The following NWD2 variants were observed in gnomAD, a reference collection of about 807,000 sequenced individuals.
The protein encoded by NWD2 is NACHT and WD repeat domain-containing protein 2.
NWD2 carries 37 observed loss-of-function variants against 132.7 expected under a neutral mutation model. The observed-to-expected ratio is 0.28, with a 90% confidence interval of 0.21 to 0.37. The LOEUF is 0.37. Among genes scored for constraint, NWD2 ranks in the 10% least tolerant of loss-of-function variants. The pLI is 1.00. For missense variants in NWD2, 1,592 were observed against 2,122.4 expected (o/e 0.75, Z 4.91); for synonymous variants, 705 against 803.0 (o/e 0.88, Z 2.06).
chr4:37,269,164 A>G (rs1717818516), intron 1 of NWD2, among the ~76,000 whole-genome samples: 1 of 151,916 alleles, frequency 6.6e-6, no homozygotes, highest in South Asian at 2.1e-4. Flanking sequence ...TAAAGAACAC[A>G]TAATCATGCG....
chr4:37,255,805 T>A (rs1717506463), intron 1 of NWD2, among the ~76,000 whole-genome samples: 1 of 151,986 alleles, frequency 6.6e-6, no homozygotes, highest in Non-Finnish European at 1.5e-5. Context: ...TCCCAGAGGG[T>A]TGGGACAGAA....
intron 2 of NWD2, among the ~76,000 whole-genome samples, chr4:37,346,640 A>G (rs529684795): frequency 3.9e-5 from 6 of 152,172 alleles, no homozygotes; most frequent in African/African-American, 9.6e-5. Flanking sequence ...CTCCCAATCT[A>G]TGAACATGGA....
chr4:37,282,482 G>A (rs981956701), intron 1 of NWD2, among the ~76,000 whole-genome samples: 3 of 152,122 alleles, frequency 2.0e-5, no homozygotes, highest in Admixed American at 6.6e-5. Context: ...ATAGTAAACT[G>A]TCTCCCTGTT....
chr4:37,269,325 A>C (rs1353288462), intron 1 of NWD2, among the ~76,000 whole-genome samples: 1 of 151,894 alleles, frequency 6.6e-6, no homozygotes, highest in Non-Finnish European at 1.5e-5. Flanking sequence ...GCAATGCAAA[A>C]CTGATGTCTA....
intron 1 of NWD2, among the ~76,000 whole-genome samples, chr4:37,263,373 G>C (rs1275434972): frequency 6.6e-6 from 1 of 152,164 alleles, no homozygotes. Flanking sequence ...GCAGCTGAGG[G>C]AACATGGGTT....
chr4:37,322,256 A>T (rs1453492612), intron 1 of NWD2, among the ~76,000 whole-genome samples: 2 of 152,188 alleles, frequency 1.3e-5, no homozygotes, highest in Non-Finnish European at 2.9e-5. Context: ...GGCACACAAT[A>T]AACAAATAAA....
intron 2 of NWD2, among the ~76,000 whole-genome samples, chr4:37,352,762 G>C (rs1378804691): frequency 6.6e-6 from 1 of 152,296 alleles, no homozygotes. Flanking sequence ...CACATGAGAT[G>C]GGTCTCCTGA....
chr4:37,410,593 A>G lies in NWD2; in HGVS notation c.358-19979A>G, dbSNP rs375780951. 1.2e-4 allele frequency among the ~76,000 whole-genome samples: 18 copies of G among 152,212 alleles called. No individual in the cohort carries two copies. In the East Asian group the frequency reaches 3.3e-3, roughly 28 times the overall value. ...ACTGTCAGTATTAGATCAACAAGAC[A>G]GAAAATTAACAAGGATATTCAGGAC... On this transcript the variant is annotated intron_variant, in intron 3 of 6. Transcript: ENST00000309447.
chr4:37,422,722 G>C (rs1202428493), intron 3 of NWD2, among the ~76,000 whole-genome samples: 1 of 152,174 alleles, frequency 6.6e-6, no homozygotes, highest in Non-Finnish European at 1.5e-5. Context: ...GAGGAGATAT[G>C]TGGCCAGATA....
intron 3 of NWD2, among the ~76,000 whole-genome samples, chr4:37,419,601 C>A (rs1185049307): frequency 6.6e-6 from 1 of 152,156 alleles, no homozygotes; most frequent in South Asian, 2.1e-4. Flanking sequence ...TAAACAGACA[C>A]TTCTCAATAG....
chr4:37,346,630 C>T (rs1719642557), intron 2 of NWD2, among the ~76,000 whole-genome samples: 2 of 152,122 alleles, frequency 1.3e-5, no homozygotes, highest in East Asian at 3.9e-4. Context: ...AATATTAAGT[C>T]TCCCAATCTA....
In NWD2 at chr4:37,449,207, G is replaced by A. The variant is rs1169399360; in HGVS notation, c.*1990G>A. The A allele has an allele frequency of 1.3e-5, 2 of 152,188 alleles. No individual in the cohort carries two copies. The highest frequency in any genetic ancestry group is 2.4e-5 in the African/African-American group (1 of 41,460). The allele number at this position is 152,188 out of a possible 1,614,324, so 9.4% of individuals were successfully genotyped here. On this transcript the variant is annotated 3_prime_UTR_variant, in exon 7 of 7. Transcript: ENST00000309447. Reference sequence around the variant, plus strand: ...TAAATGTAGTATGTGAATGTTCTATGTAAAAGCCAATAGAGTATACAAGTG... The same window carrying A: ...TAAATGTAGTATGTGAATGTTCTATATAAAAGCCAATAGAGTATACAAGTG...
At chr4:37,333,482 C>T (rs550977101) in intron 2 of NWD2, among the ~76,000 whole-genome samples, 4 of 152,244 alleles carry the variant, frequency 2.6e-5, no homozygotes, top group African/African-American at 9.6e-5. Flanking sequence ...CCAAGACCAC[C>T]AAGGCAGAAG....
chr4:37,387,434 T>A (rs1157422306), intron 3 of NWD2, among the ~76,000 whole-genome samples: 1 of 152,198 alleles, frequency 6.6e-6, no homozygotes, highest in Non-Finnish European at 1.5e-5. Context: ...GACTACCATA[T>A]TGGATGTGGC....
At chr4:37,249,454 G>A (rs1283966192) in intron 1 of NWD2, among the ~76,000 whole-genome samples, 2 of 152,196 alleles carry the variant, frequency 1.3e-5, no homozygotes, top group Non-Finnish European at 1.5e-5. Flanking sequence ...AGTGGGCAGA[G>A]CACAGACCAC....
intron 1 of NWD2, among the ~76,000 whole-genome samples, chr4:37,294,443 G>T (rs1466390537): frequency 6.6e-6 from 1 of 152,044 alleles, no homozygotes; most frequent in Admixed American, 6.5e-5. Context: ...ATGCTGACTT[G>T]CCAGAGGCCA....
chr4:37,294,815 C>A (rs1056328274), intron 1 of NWD2, among the ~76,000 whole-genome samples: 12 of 152,142 alleles, frequency 7.9e-5, no homozygotes, highest in African/African-American at 2.9e-4. Flanking sequence ...AGACGAATCT[C>A]AATCAATTAG....
chr4:37,360,103 G>A (rs192074900), intron 3 of NWD2, among the ~76,000 whole-genome samples: 1 of 152,228 alleles, frequency 6.6e-6, no homozygotes, highest in Non-Finnish European at 1.5e-5. Flanking sequence ...TTGTACTTTA[G>A]TGATCACATC....
intron 1 of NWD2, among the ~76,000 whole-genome samples, chr4:37,305,209 C>T (rs1489993836): frequency 1.3e-5 from 2 of 152,236 alleles, no homozygotes; most frequent in Non-Finnish European, 2.9e-5. Flanking sequence ...ACCTAAGCTG[C>T]ACACAGCACA....
Sources: gnomAD v4.1 joint callset for allele counts (sites outside exome capture counted in the v4.1 genomes callset) on GRCh38, gnomAD v4.1.1 for gene constraint, MANE v1.5 for transcripts, NCBI Gene and HGNC (gene_info 2026-07-23, HGNC 2026-07-21) for gene names.